The following GPC3 variants were observed in gnomAD, a reference collection of about 807,000 sequenced individuals.
GPC3 encodes the protein glypican-3.
A neutral mutation model predicts 34.4 loss-of-function variants in GPC3; 3 were observed. That is an observed-to-expected ratio of 0.09 (90% CI 0.04 to 0.23). The LOEUF is 0.23. Ranked by LOEUF, GPC3 falls within the 10% of genes least tolerant of loss-of-function variation. GPC3 has a pLI of 1.00. For synonymous variants in GPC3, 177 were observed against 174.0 expected, an observed-to-expected ratio of 1.02 and a Z score of -0.13; for missense variants, 351 against 445.6, an observed-to-expected ratio of 0.79 and a Z score of 1.91.
chrX:133,626,563 A>C (rs1171705338), intron 6 of GPC3, among the ~76,000 whole-genome samples: 5 of 110,996 alleles, frequency 4.5e-5, no homozygotes, highest in Admixed American at 3.9e-4. Flanking sequence ...CACATGAAAA[A>C]ATGCTCATCA....
At chrX:133,864,046 C>G (rs1049399351) in intron 2 of GPC3, among the ~76,000 whole-genome samples, 1 of 111,812 alleles carries the variant, frequency 8.9e-6, no homozygotes, top group African/African-American at 3.3e-5. Context: ...AATAAGAATA[C>G]TTGGTTATCT....
intron 2 of GPC3, among the ~76,000 whole-genome samples, chrX:133,863,176 C>T (rs1450016852): frequency 8.9e-6 from 1 of 112,028 alleles, no homozygotes; most frequent in South Asian, 3.7e-4. Flanking sequence ...TTTGATAAGC[C>T]CCTAGAAACA....
chrX:133,878,826 G>C (rs2076028820), intron 2 of GPC3, among the ~76,000 whole-genome samples: 2 of 111,815 alleles, frequency 1.8e-5, no homozygotes, highest in Admixed American at 1.9e-4. Flanking sequence ...GGAAGACATG[G>C]TCAAGTCAAA....
intron 2 of GPC3, among the ~76,000 whole-genome samples, chrX:133,817,706 G>C: frequency 9.4e-6 from 1 of 106,690 alleles, no homozygotes; most frequent in Non-Finnish European, 1.9e-5. Flanking sequence ...AAGAGATGGA[G>C]AGTATTTGAA....
At chrX:133,564,959 A>G (rs1012860485) in intron 7 of GPC3, among the ~76,000 whole-genome samples, 2 of 112,417 alleles carry the variant, frequency 1.8e-5, no homozygotes, top group African/African-American at 6.5e-5. Flanking sequence ...CACAATCAAT[A>G]GAAATATGCT....
rs2076044302 is a variant in GPC3 at position 133,882,122 on chromosome X, G to A, written c.337+70928C>T. 2.7e-5 allele frequency among the ~76,000 whole-genome samples: 3 copies of A among 111,769 alleles called. No homozygotes were observed. In the South Asian group the frequency reaches 1.1e-3, roughly 42 times the overall value. ...GCACTCTGGGCTCCTTTAGTCGGAG[G>A]ACCAAGGCTTCAAATGAGGGTCTTC... On this transcript the variant is annotated intron_variant, in intron 2 of 7. Coordinates refer to ENST00000370818, the MANE Select transcript of GPC3 (RefSeq NM_004484.4).
intron 2 of GPC3, among the ~76,000 whole-genome samples, chrX:133,926,602 G>A (rs928397185): frequency 3.6e-5 from 4 of 112,134 alleles, no homozygotes; most frequent in African/African-American, 1.3e-4. Context: ...ATAACACGGA[G>A]ATCATGTCCA....
At chrX:133,655,031 C>T (rs1445313668) in intron 6 of GPC3, among the ~76,000 whole-genome samples, 1 of 111,753 alleles carries the variant, frequency 8.9e-6, no homozygotes, top group African/African-American at 3.3e-5. Flanking sequence ...CCATTTCTGA[C>T]TCATCTTCCA....
At chrX:133,928,973 T>G (rs1253210509) in intron 2 of GPC3, among the ~76,000 whole-genome samples, 2 of 112,124 alleles carry the variant, frequency 1.8e-5, no homozygotes, top group Non-Finnish European at 3.8e-5. Context: ...TTATTTTTGC[T>G]TTTGTAGCCT....
chrX:133,939,739 G>A (rs2076336850), intron 2 of GPC3, among the ~76,000 whole-genome samples: 1 of 111,984 alleles, frequency 8.9e-6, no homozygotes, highest in South Asian at 3.7e-4. Flanking sequence ...TAAAATGCCT[G>A]TAAGACAAGT....
At chrX:133,547,385 G>A (rs1178364689) in intron 7 of GPC3, among the ~76,000 whole-genome samples, 1 of 111,164 alleles carries the variant, frequency 9.0e-6, no homozygotes, top group Non-Finnish European at 1.9e-5. Flanking sequence ...ACAGCATCTG[G>A]GGATGCTCCC....
At chrX:133,563,811 T>C (rs780141127) in intron 7 of GPC3, among the ~76,000 whole-genome samples, 1 of 112,149 alleles carries the variant, frequency 8.9e-6, no homozygotes, top group Non-Finnish European at 1.9e-5. Context: ...ATGAATGTTT[T>C]ATTTAACCAA....
At position 133,536,042 on chromosome X, in the gene GPC3, G is replaced by T; in HGVS notation, c.*82C>A. ...ACAGGATAACAAAAAAAAAAAAATA[G>T]AAAAAAATAAGAAAGTGGTTCCCTT... On this transcript the variant is annotated 3_prime_UTR_variant, in exon 8 of 8. Transcript: ENST00000370818. 4 of 748,441 alleles carry T rather than the reference G, an allele frequency of 5.3e-6. No individual in the cohort carries two copies. Among genetic ancestry groups the T allele is most frequent in the Non-Finnish European group, 8.0e-6 (4 of 502,982 alleles). 61.7% of individuals were successfully genotyped at this position (748,441 alleles called of 1,213,427 possible). A position where few individuals can be genotyped will look rare whatever the true frequency, so the allele number is the denominator to read the frequency against.
chrX:133,900,092 C>T (rs1333198740), intron 2 of GPC3, among the ~76,000 whole-genome samples: 1 of 111,981 alleles, frequency 8.9e-6, no homozygotes, highest in Non-Finnish European at 1.9e-5. Flanking sequence ...CATGAGCCAC[C>T]GCGCCCGGCC....
At chrX:133,742,410 C>A (rs2071571821) in intron 3 of GPC3, among the ~76,000 whole-genome samples, 1 of 111,357 alleles carries the variant, frequency 9.0e-6, no homozygotes, top group African/African-American at 3.3e-5. Flanking sequence ...AAGAGAAACC[C>A]ACACCCAGAA....
intron 4 of GPC3, among the ~76,000 whole-genome samples, chrX:133,695,113 C>T (rs867514088): frequency 4.0e-4 from 45 of 111,670 alleles, no homozygotes; most frequent in African/African-American, 1.4e-3. Context: ...TGGAAGCAAA[C>T]GTGTCCTTCT....
At chrX:133,615,611 AG>A (rs1217192512) in intron 6 of GPC3, among the ~76,000 whole-genome samples, 1 of 109,215 alleles carries the variant, frequency 9.2e-6, no homozygotes, top group African/African-American at 3.3e-5. Flanking sequence ...TCGGTGGGTG[AG>A]GGGCTAGGAG....
intron 6 of GPC3, among the ~76,000 whole-genome samples, chrX:133,618,207 G>T (rs1256055284): frequency 9.0e-6 from 1 of 111,705 alleles, no homozygotes; most frequent in Non-Finnish European, 1.9e-5. Flanking sequence ...AAATTATTGT[G>T]TAAAGTTGTT....
At chrX:133,702,400 GCATAGTA>G (rs779852564) in intron 3 of GPC3, among the ~76,000 whole-genome samples, 24 of 111,438 alleles carry the variant, frequency 2.2e-4, no homozygotes, top group Non-Finnish European at 4.3e-4. Flanking sequence ...ACATTCAAGA[GCATAGTA>G]CACATTCTCT....
Sources: allele counts gnomAD v4.1 joint callset (sites outside exome capture counted in the v4.1 genomes callset), GRCh38; gene constraint gnomAD v4.1.1; transcripts MANE v1.5; gene names NCBI Gene and HGNC (gene_info 2026-07-23, HGNC 2026-07-21).